The following CNBD1 variants were observed in gnomAD, a reference collection of about 807,000 sequenced individuals.
CNBD1 encodes the protein cyclic nucleotide binding domain containing 1, also known as cyclic nucleotide-binding domain-containing protein 1.
A neutral mutation model predicts 54.4 loss-of-function variants in CNBD1; 71 were observed. The ratio of observed to expected loss-of-function variants is 1.30; its 90% CI spans 1.08 to 1.59. CNBD1 has a LOEUF of 1.59. CNBD1 is among the 40% of genes most tolerant of loss of function. The pLI, the probability that CNBD1 is intolerant of heterozygous loss-of-function variation, is 0.00. For missense variants in CNBD1, 659 were observed against 518.0 expected (o/e 1.27, Z -2.64); for synonymous variants, 182 against 170.7 (o/e 1.07, Z -0.51).
At chr8:87,219,436 T>C (rs1814279231) in intron 5 of CNBD1, among the ~76,000 whole-genome samples, 1 of 152,022 alleles carries the variant, frequency 6.6e-6, no homozygotes, top group African/African-American at 2.4e-5. Context: ...CTTGAAATAC[T>C]TAAATACCCT....
chr8:86,990,897 G>T (rs181514049), intron 4 of CNBD1, among the ~76,000 whole-genome samples: 1 of 151,892 alleles, frequency 6.6e-6, no homozygotes, highest in Non-Finnish European at 1.5e-5. Flanking sequence ...CATTTTAGAG[G>T]TCTTTCACTC....
intron 2 of CNBD1, among the ~76,000 whole-genome samples, chr8:86,892,923 G>A (rs73268026): frequency 0.017 from 2,562 of 152,206 alleles, 68 homozygotes; most frequent in African/African-American, 0.057. Context: ...TGAAGAGATA[G>A]GGGACTTTTA....
intron 4 of CNBD1, among the ~76,000 whole-genome samples, chr8:87,037,278 T>C (rs1189164951): frequency 6.6e-6 from 1 of 152,282 alleles, no homozygotes; most frequent in South Asian, 2.1e-4. Flanking sequence ...TAGGATTTTT[T>C]TTCTAGAGTT....
intron 4 of CNBD1, among the ~76,000 whole-genome samples, chr8:87,018,370 A>G (rs1192517453): frequency 6.6e-6 from 1 of 152,206 alleles, no homozygotes; most frequent in East Asian, 1.9e-4. Flanking sequence ...CCTTGCTATA[A>G]TATTCTCTTT....
At chr8:86,943,564 A>G (rs1435871242) in intron 4 of CNBD1, among the ~76,000 whole-genome samples, 2 of 152,034 alleles carry the variant, frequency 1.3e-5, no homozygotes, top group Non-Finnish European at 2.9e-5. Flanking sequence ...AATCATTGGG[A>G]GAGGCATTAA....
Position 86,905,116 on chromosome 8 carries a change from C to T in CNBD1, c.194C>T (p.Thr65Ile), listed in dbSNP as rs1351705969. ...AGCAATATCTTATCAGCTCACGATACATTTATGAAGCAATATCCTAAAGTA... is the reference window on the plus strand; with the variant it reads ...AGCAATATCTTATCAGCTCACGATATATTTATGAAGCAATATCCTAAAGTA... ...SMSNILSAHD[T>I]FMKQYPKVFL... is the part of the protein sequence containing the mutation. The change falls in exon 3 of 11, where the codon ACA (threonine) becomes ATA (isoleucine). Residue 65 changes from threonine (T) to isoleucine (I), a missense_variant. Thr to Ile is a moderately conservative substitution (Grantham distance 89). Transcript: ENST00000518476. The T allele has an allele frequency of 1.2e-6, 2 of 1,611,886 alleles. No individual in the cohort carries two copies. Among genetic ancestry groups the T allele is most frequent in the Non-Finnish European group, 1.7e-6 (2 of 1,178,534 alleles).
intron 4 of CNBD1, among the ~76,000 whole-genome samples, chr8:87,008,579 T>G (rs1361232071): frequency 1.3e-5 from 2 of 152,196 alleles, no homozygotes; most frequent in Non-Finnish European, 2.9e-5. Context: ...TCCTTGCATC[T>G]AAGTCCCTGC....
intron 4 of CNBD1, among the ~76,000 whole-genome samples, chr8:86,989,448 A>G (rs1808690264): frequency 1.3e-5 from 2 of 151,890 alleles, no homozygotes; most frequent in African/African-American, 4.8e-5. Context: ...TTTTTATTTT[A>G]TTTTATTTTT....
intron 10 of CNBD1, among the ~76,000 whole-genome samples, chr8:87,368,978 G>A (rs991186758): frequency 2.6e-5 from 4 of 151,882 alleles, no homozygotes; most frequent in Non-Finnish European, 5.9e-5. Context: ...ATTAAGGGGT[G>A]CAACCAGGAA....
At chr8:87,238,578 A>G (rs980200034) in intron 6 of CNBD1, among the ~76,000 whole-genome samples, 21 of 152,150 alleles carry the variant, frequency 1.4e-4, no homozygotes, top group Admixed American at 6.6e-4. Flanking sequence ...ATAATAAAAA[A>G]ATACTTGCAG....
intron 10 of CNBD1, among the ~76,000 whole-genome samples, chr8:87,362,930 A>G (rs1236582970): frequency 2.0e-5 from 3 of 151,880 alleles, no homozygotes; most frequent in African/African-American, 7.3e-5. Flanking sequence ...GTATAGACAC[A>G]TGCCGTGGTG....
intron 4 of CNBD1, among the ~76,000 whole-genome samples, chr8:86,980,521 T>A (rs1013128199): frequency 6.6e-6 from 1 of 152,306 alleles, no homozygotes; most frequent in African/African-American, 2.4e-5. Flanking sequence ...GAATACACAG[T>A]TTGATAGAGT....
chr8:86,910,364 G>C (rs1178378059), intron 3 of CNBD1, among the ~76,000 whole-genome samples: 1 of 152,108 alleles, frequency 6.6e-6, no homozygotes, highest in Non-Finnish European at 1.5e-5. Flanking sequence ...ATGGTTACCA[G>C]GAACTTTGAA....
chr8:87,175,389 A>T (rs1358141906), intron 4 of CNBD1, among the ~76,000 whole-genome samples: 1 of 152,136 alleles, frequency 6.6e-6, no homozygotes, highest in Non-Finnish European at 1.5e-5. Context: ...CTCACCTAAG[A>T]CCCATGGTGT....
intron 5 of CNBD1, among the ~76,000 whole-genome samples, chr8:87,224,510 C>T (rs1814429805): frequency 6.6e-6 from 1 of 151,172 alleles, no homozygotes; most frequent in Non-Finnish European, 1.5e-5. Flanking sequence ...ATCCTTTCCC[C>T]ATTGCTTGTT....
rs780935010 is a variant in CNBD1, at chr8:87,369,630, CCTT to C, written c.1304-12984_1304-12982del. 4.2e-4 allele frequency among the ~76,000 whole-genome samples: 64 copies of C among 151,974 alleles called. 3 individuals carry two copies. The highest frequency in any genetic ancestry group is 3.1e-4 in the Non-Finnish European group (21 of 67,996). On this transcript the variant is annotated intron_variant, in intron 10 of 10. Transcript: ENST00000518476. Reference sequence around the variant, plus strand: ...TCAGCACTTTGAGCATGTTATTCCTCCTTCTTCTGGCCTCTATAGTTTCCAATG... The same window carrying C: ...TCAGCACTTTGAGCATGTTATTCCTCCTTCTGGCCTCTATAGTTTCCAATG...
chr8:87,386,904 A>T (rs373174676), downstream of CNBD1, among the ~76,000 whole-genome samples: 16 of 152,376 alleles, frequency 1.1e-4, no homozygotes, highest in South Asian at 1.2e-3. Flanking sequence ...CTAACAGCTG[A>T]TCTCTCAGCA....
intron 4 of CNBD1, among the ~76,000 whole-genome samples, chr8:87,123,541 A>G (rs907444972): frequency 4.6e-5 from 7 of 151,808 alleles, no homozygotes; most frequent in Non-Finnish European, 7.4e-5. Flanking sequence ...GGACATTTAT[A>G]GCATTTAATG....
At chr8:87,069,612 A>G (rs1417529670) in intron 4 of CNBD1, among the ~76,000 whole-genome samples, 1 of 152,058 alleles carries the variant, frequency 6.6e-6, no homozygotes. Context: ...CCTAACAAGG[A>G]ATTTCTCAGA....
Sources: allele counts gnomAD v4.1 joint callset (sites outside exome capture counted in the v4.1 genomes callset), GRCh38; gene constraint gnomAD v4.1.1; transcripts MANE v1.5; gene names NCBI Gene and HGNC (gene_info 2026-07-23, HGNC 2026-07-21).